ADK: variants seen among roughly 807,000 people sequenced by gnomAD.
ADK encodes adenosine kinase, also known as N6,N6-dimethyladenosine kinase.
In ADK, 24 loss-of-function variants were observed where a neutral mutation model predicts 44.7. The observed-to-expected ratio is 0.54, with a 90% CI of 0.39 to 0.76. The LOEUF (loss-of-function observed/expected upper bound fraction) is 0.76, where lower values mean the gene tolerates loss of function less well. ADK is among the 30% of genes least tolerant of loss of function. The pLI, the probability that ADK is intolerant of heterozygous loss-of-function variation, is 0.00. For synonymous variants in ADK, 128 were observed against 142.6 expected, an observed-to-expected ratio of 0.90 and a Z score of 0.73; for missense variants, 321 against 425.1, an observed-to-expected ratio of 0.76 and a Z score of 2.15.
At chr10:74,466,698 G>T (rs1240389815) in intron 6 of ADK, among the ~76,000 whole-genome samples, 4 of 152,104 alleles carry the variant, frequency 2.6e-5, no homozygotes, top group Non-Finnish European at 4.4e-5. Flanking sequence ...TGAGTGTAAA[G>T]GTCAAAAGAA....
chr10:74,395,268 C>A (rs1843468460), intron 5 of ADK, among the ~76,000 whole-genome samples: 1 of 152,052 alleles, frequency 6.6e-6, no homozygotes, highest in African/African-American at 2.4e-5. Flanking sequence ...TTCCCCCTCT[C>A]CACCACGACC....
At chr10:74,285,863 G>T (rs552526127) in intron 3 of ADK, among the ~76,000 whole-genome samples, 5 of 152,222 alleles carry the variant, frequency 3.3e-5, no homozygotes, top group African/African-American at 1.2e-4. Flanking sequence ...TAGTCAGGTT[G>T]GGACTATGTA....
At chr10:74,266,371 A>G (rs1406389510) in intron 3 of ADK, among the ~76,000 whole-genome samples, 2 of 152,140 alleles carry the variant, frequency 1.3e-5, no homozygotes, top group East Asian at 3.9e-4. Context: ...AGCCCGGCCA[A>G]CATGATGAAA....
chr10:74,482,641 A>G (rs1048479784), intron 6 of ADK, among the ~76,000 whole-genome samples: 2 of 152,190 alleles, frequency 1.3e-5, no homozygotes, highest in African/African-American at 4.8e-5. Flanking sequence ...TGAGCCTGTA[A>G]AATACAGTTA....
intron 3 of ADK, among the ~76,000 whole-genome samples, chr10:74,265,041 A>G (rs924687905): frequency 1.3e-5 from 2 of 152,072 alleles, no homozygotes; most frequent in Admixed American, 1.3e-4. Flanking sequence ...TTGAACATCA[A>G]ATGATTCTCC....
chr10:74,236,358 A>T (rs142142407), intron 3 of ADK, among the ~76,000 whole-genome samples: 8 of 152,324 alleles, frequency 5.3e-5, no homozygotes, highest in Admixed American at 4.6e-4. Flanking sequence ...AGATTGAAGG[A>T]TGTTCTTAGG....
rs575336336 is a variant in ADK at position 74,663,869 on chromosome 10, G to A, written c.878-6314G>A. Among the ~76,000 whole-genome samples, 14 of 152,260 alleles carry A rather than the reference G, an allele frequency of 9.2e-5. No homozygotes were observed. The South Asian group carries it at 2.9e-3, about 32-fold the overall frequency. The stretch of plus-strand genomic sequence containing the variant: ...TGCCCTGTTTATTAGGGCAGTCTAA[G>A]CAGGGTGTCTTTGCTCATATCCTGA... On this transcript the variant is annotated intron_variant, in intron 9 of 10. Transcript: ENST00000539909.
chr10:74,547,446 A>T (rs1324061547), intron 7 of ADK, among the ~76,000 whole-genome samples: 1 of 23,380 alleles, frequency 4.3e-5, no homozygotes, highest in Non-Finnish European at 2.2e-4. Flanking sequence ...ATATATATAT[A>T]TTTATTTATT....
chr10:74,571,300 CATAAA>C (rs1426817675), intron 7 of ADK, among the ~76,000 whole-genome samples: 1 of 152,166 alleles, frequency 6.6e-6, no homozygotes, highest in Non-Finnish European at 1.5e-5. Flanking sequence ...ATGCTGGCCT[CATAAA>C]ATGAGTTAGG....
intron 7 of ADK, among the ~76,000 whole-genome samples, chr10:74,560,960 G>A (rs1347765776): frequency 6.6e-6 from 1 of 152,116 alleles, no homozygotes; most frequent in African/African-American, 2.4e-5. Flanking sequence ...ACATCCAAAG[G>A]TAAATAATAA....
chr10:74,340,017 A>G (rs1057427016), intron 4 of ADK, among the ~76,000 whole-genome samples: 3 of 152,212 alleles, frequency 2.0e-5, no homozygotes, highest in Middle Eastern at 3.4e-3. Flanking sequence ...GCTGCTCTTT[A>G]TTTCATTGTT....
chr10:74,280,450 T>A (rs189179447), intron 3 of ADK, among the ~76,000 whole-genome samples: 30 of 80,714 alleles, frequency 3.7e-4, no homozygotes, highest in Non-Finnish European at 2.4e-4. Context: ...ACACACACGT[T>A]TTTTAGAGTT....
intron 3 of ADK, among the ~76,000 whole-genome samples, chr10:74,227,253 T>C (rs533418681): frequency 1.5e-3 from 230 of 152,340 alleles, no homozygotes; most frequent in African/African-American, 5.2e-3. Flanking sequence ...TCATAAAACA[T>C]TATTACAACT....
chr10:74,707,187 C>A (rs1325204491), intron 10 of ADK, among the ~76,000 whole-genome samples: 2 of 152,054 alleles, frequency 1.3e-5, no homozygotes, highest in Admixed American at 6.6e-5. Context: ...AGGCATGCAC[C>A]AACATGCATG....
At chr10:74,627,257 C>G (rs1224339871) in intron 9 of ADK, among the ~76,000 whole-genome samples, 2 of 152,098 alleles carry the variant, frequency 1.3e-5, no homozygotes, top group Non-Finnish European at 2.9e-5. Flanking sequence ...AGAAGGATCC[C>G]TTGAGCTCAG....
chr10:74,165,121 A>G (rs1842003498), intron 1 of ADK, among the ~76,000 whole-genome samples: 1 of 152,166 alleles, frequency 6.6e-6, no homozygotes, highest in Non-Finnish European at 1.5e-5. Context: ...TAGAGCTGAG[A>G]TTTCCTGCAA....
chr10:74,426,062 A>AGATGTTT (rs1844785420), intron 6 of ADK, among the ~76,000 whole-genome samples: 2 of 152,324 alleles, frequency 1.3e-5, no homozygotes, highest in South Asian at 4.1e-4. Context: ...TAAAACACCC[A>AGATGTTT]TAATCCTATC....
chr10:74,260,176 C>G (rs767605921), intron 3 of ADK, among the ~76,000 whole-genome samples: 40 of 152,306 alleles, frequency 2.6e-4, no homozygotes, highest in Middle Eastern at 3.4e-3. Context: ...CCCACTCCCC[C>G]CAAAATCAGC....
intron 6 of ADK, among the ~76,000 whole-genome samples, chr10:74,458,835 G>A (rs1329042951): frequency 1.3e-5 from 2 of 152,038 alleles, no homozygotes; most frequent in Non-Finnish European, 2.9e-5. Flanking sequence ...CTTCCCTTAC[G>A]AGAGAGTTCT....
Sources: allele counts gnomAD v4.1 joint callset (sites outside exome capture counted in the v4.1 genomes callset), GRCh38; gene constraint gnomAD v4.1.1; transcripts MANE v1.5; gene names NCBI Gene and HGNC (gene_info 2026-07-23, HGNC 2026-07-21).